Variants in TYR observed in about 807,000 individuals in gnomAD.
TYR encodes the protein LB24-AB.
Under a neutral mutation model 51.5 loss-of-function variants are expected in TYR, and 58 were observed. The ratio of observed to expected loss-of-function variants is 1.13; its 90% confidence interval spans 0.91 to 1.40. The LOEUF (loss-of-function observed/expected upper bound fraction) is 1.40, where lower values mean the gene tolerates loss of function less well. Among genes scored for constraint, TYR ranks in the 40% most tolerant of loss-of-function variants. The probability of loss-of-function intolerance (pLI) is 0.00; values close to 1 mark genes in which losing one functional copy is unlikely to be tolerated. For synonymous variants in TYR, 263 were observed against 235.2 expected, an observed-to-expected ratio of 1.12 and a Z score of -1.08; for missense variants, 732 against 647.4, an observed-to-expected ratio of 1.13 and a Z score of -1.42.
chr11:89,205,916 A>G (rs887487865), intron 2 of TYR, among the ~76,000 whole-genome samples: 1 of 152,220 alleles, frequency 6.6e-6, no homozygotes, highest in Non-Finnish European at 1.5e-5. Context: ...AAGACAAATA[A>G]GGTTTTACAC....
intron 3 of TYR, among the ~76,000 whole-genome samples, chr11:89,277,006 ATT>A (rs1248955096): frequency 6.6e-6 from 1 of 151,692 alleles, no homozygotes; most frequent in Non-Finnish European, 1.5e-5. Flanking sequence ...AATCATTTAT[ATT>A]GTCTCATTTT....
chr11:89,271,355 C>T (rs1565419178), intron 3 of TYR, among the ~76,000 whole-genome samples: 1 of 151,830 alleles, frequency 6.6e-6, no homozygotes, highest in Admixed American at 6.6e-5. Context: ...AAGTTAGTCA[C>T]ATTAATATTT....
intron 2 of TYR, among the ~76,000 whole-genome samples, chr11:89,223,847 A>G (rs1434296230): frequency 1.3e-5 from 2 of 151,398 alleles, no homozygotes; most frequent in African/African-American, 4.9e-5. Flanking sequence ...GGGCCTTTAC[A>G]TTATTTCTAA....
intron 3 of TYR, among the ~76,000 whole-genome samples, chr11:89,243,166 A>G (rs1376394661): frequency 6.6e-6 from 1 of 152,198 alleles, no homozygotes; most frequent in Non-Finnish European, 1.5e-5. Flanking sequence ...ACAGTGCTTT[A>G]TTGGGGTTTA....
chr11:89,231,611 G>T lies in TYR; in HGVS notation c.1184+3641G>T, dbSNP rs1427164844. ...GAAAATTTAAACTCCTAGAATTAGA[G>T]AGTAGAGGATGGTTACTGGGGGCTG... On this transcript the variant is annotated intron_variant, in intron 3 of 4. Transcript: ENST00000263321. 1.4e-5 allele frequency among the ~76,000 whole-genome samples: 2 copies of T among 142,696 alleles called. 1 individual carries two copies. Among genetic ancestry groups the T allele is most frequent in the Non-Finnish European group, 3.0e-5 (2 of 66,534 alleles). The allele number at this position is 142,696 out of a possible 152,430, so 93.6% of individuals were successfully genotyped here.
chr11:89,250,634 C>A, intron 3 of TYR, among the ~76,000 whole-genome samples: 1 of 152,044 alleles, frequency 6.6e-6, no homozygotes, highest in South Asian at 2.1e-4. Flanking sequence ...AGGCCTCTCT[C>A]TTTGACTTGT....
intron 2 of TYR, among the ~76,000 whole-genome samples, chr11:89,215,817 G>A (rs1449958004): frequency 6.6e-6 from 1 of 151,924 alleles, no homozygotes; most frequent in Non-Finnish European, 1.5e-5. Flanking sequence ...TACTAAAGAC[G>A]CAAGACCCTC....
intron 1 of TYR, among the ~76,000 whole-genome samples, chr11:89,190,609 G>T (rs1051039868): frequency 3.3e-5 from 5 of 151,800 alleles, no homozygotes; most frequent in Non-Finnish European, 5.9e-5. Context: ...CATTAAAAAA[G>T]AAAAATATTT....
chr11:89,260,699 A>G (rs551255332), intron 3 of TYR, among the ~76,000 whole-genome samples: 1 of 152,196 alleles, frequency 6.6e-6, no homozygotes, highest in Non-Finnish European at 1.5e-5. Context: ...TATTTTTTCT[A>G]TCCTATTTAA....
intron 2 of TYR, among the ~76,000 whole-genome samples, chr11:89,224,216 A>G (rs948255870): frequency 6.6e-6 from 1 of 152,170 alleles, no homozygotes; most frequent in Non-Finnish European, 1.5e-5. Context: ...GCAACTATTT[A>G]CCACATGCAA....
At chr11:89,294,381 A>G (rs1944883041) in intron 4 of TYR, 1 of 152,784 alleles carries the variant, frequency 6.5e-6, no homozygotes, top group Admixed American at 6.5e-5. Context: ...TTATTCTTAC[A>G]TATATCGGCT....
At chr11:89,246,388 A>C (rs1309615277) in intron 3 of TYR, among the ~76,000 whole-genome samples, 1 of 152,200 alleles carries the variant, frequency 6.6e-6, no homozygotes, top group Non-Finnish European at 1.5e-5. Context: ...CATACTTTAT[A>C]AACTATAACA....
chr11:89,247,321 G>T (rs1441426508), intron 3 of TYR, among the ~76,000 whole-genome samples: 1 of 152,122 alleles, frequency 6.6e-6, no homozygotes, highest in African/African-American at 2.4e-5. Flanking sequence ...ATACTTATTA[G>T]ACTAAGTTGT....
chr11:89,257,398 T>A (rs1234543115), intron 3 of TYR, among the ~76,000 whole-genome samples: 4 of 152,044 alleles, frequency 2.6e-5, no homozygotes, highest in Non-Finnish European at 4.4e-5. Flanking sequence ...AAGAGGTAAC[T>A]AATGTCCCAA....
At chr11:89,250,128 C>T (rs1428376565) in intron 3 of TYR, among the ~76,000 whole-genome samples, 1 of 151,842 alleles carries the variant, frequency 6.6e-6, no homozygotes, top group African/African-American at 2.4e-5. Context: ...ACAAATCATC[C>T]ATTATTTATG....
intron 3 of TYR, among the ~76,000 whole-genome samples, chr11:89,244,439 C>G (rs10830250): frequency 0.39 from 59,761 of 151,950 alleles, 12,040 homozygotes; most frequent in African/African-American, 0.48. Context: ...TATTCAATGG[C>G]TCCTCCTTAT....
chr11:89,284,666 T>C, intron 3 of TYR, 107 bp from the exon 4 acceptor site: 3 of 986,770 alleles, frequency 3.0e-6, no homozygotes, highest in Non-Finnish European at 4.7e-6. Context: ...TCAACATCTT[T>C]CCATGTCTCC....
chr11:89,271,253 T>C (rs1229267243), intron 3 of TYR, among the ~76,000 whole-genome samples: 1 of 151,888 alleles, frequency 6.6e-6, no homozygotes, highest in African/African-American at 2.4e-5. Flanking sequence ...TACCTATTGG[T>C]TTCTTAGGGC....
chr11:89,193,119 G>T (rs1262861704), intron 2 of TYR, among the ~76,000 whole-genome samples: 1 of 152,162 alleles, frequency 6.6e-6, no homozygotes, highest in Non-Finnish European at 1.5e-5. Flanking sequence ...TGGGAGGATT[G>T]GGTGACCCAC....
Sources: allele counts gnomAD v4.1 joint callset (sites outside exome capture counted in the v4.1 genomes callset), GRCh38; gene constraint gnomAD v4.1.1; transcripts MANE v1.5; gene names NCBI Gene and HGNC (gene_info 2026-07-23, HGNC 2026-07-21).